Variants in SH3PXD2B observed in about 807,000 individuals in gnomAD.
SH3PXD2B encodes the protein SH3 and PX domains 2B, also known as SH3 and PX domain-containing protein 2B.
A neutral mutation model predicts 73.1 loss-of-function variants in SH3PXD2B; 37 were observed. The observed-to-expected ratio is 0.51, with a 90% confidence interval of 0.39 to 0.67. SH3PXD2B has a LOEUF of 0.67. Among genes scored for constraint, SH3PXD2B ranks in the 30% least tolerant of loss-of-function variants. SH3PXD2B has a pLI of 0.00. For synonymous variants in SH3PXD2B, 457 were observed against 480.5 expected, an observed-to-expected ratio of 0.95 and a Z score of 0.64; for missense variants, 1,053 against 1,197.8, an observed-to-expected ratio of 0.88 and a Z score of 1.78.
chr5:172,403,773 A>G (rs2113423710), intron 3 of SH3PXD2B, among the ~76,000 whole-genome samples: 1 of 152,378 alleles, frequency 6.6e-6, no homozygotes, highest in Non-Finnish European at 1.5e-5. Context: ...TTGAATATCC[A>G]GAATGGTCAT....
intron 10 of SH3PXD2B, among the ~76,000 whole-genome samples, chr5:172,348,811 A>G (rs527343636): frequency 1.3e-5 from 2 of 152,004 alleles, no homozygotes; most frequent in Admixed American, 6.6e-5. Context: ...GGTTCAAGTG[A>G]TCCTCCCGCC....
At chr5:172,390,839 G>C (rs1468463961) in intron 4 of SH3PXD2B, among the ~76,000 whole-genome samples, 1 of 151,516 alleles carries the variant, frequency 6.6e-6, no homozygotes, top group Non-Finnish European at 1.5e-5. Flanking sequence ...GTGTGTGTGT[G>C]TGTGTGTGTG....
In SH3PXD2B at chr5:172,421,646, G is replaced by A. The variant is rs570772775; in HGVS notation, c.156+770C>T. 3.3e-4 allele frequency among the ~76,000 whole-genome samples: 51 copies of A among 152,304 alleles called. No homozygotes were observed. Among genetic ancestry groups the A allele is most frequent in the Middle Eastern group, 6.8e-3 (2 of 294 alleles). ...TTCCTAGGGGATGAGAGTCCTGAAG[G>A]GCAGAAGGGGTTACTGGAGCCATGA... On this transcript the variant is annotated intron_variant, in intron 2 of 12. Coordinates refer to ENST00000311601, the MANE Select transcript of SH3PXD2B (RefSeq NM_001017995.3). The surrounding 1 kb of genome is among the most constrained non-coding windows in gnomAD (Gnocchi z 4.0).
chr5:172,327,317 G>A (rs549673249), intron 12 of SH3PXD2B, among the ~76,000 whole-genome samples: 3 of 152,244 alleles, frequency 2.0e-5, no homozygotes, highest in Admixed American at 6.5e-5. Flanking sequence ...TTATAAATGA[G>A]GACATCGTTT....
intron 1 of SH3PXD2B, among the ~76,000 whole-genome samples, chr5:172,443,872 G>C (rs927556293): frequency 2.6e-5 from 4 of 152,232 alleles, no homozygotes; most frequent in African/African-American, 9.6e-5. Context: ...GACGGAGGTC[G>C]GGGCTGGGAA....
intron 5 of SH3PXD2B, among the ~76,000 whole-genome samples, chr5:172,381,311 C>A (rs542225387): frequency 2.6e-5 from 4 of 152,310 alleles, no homozygotes; most frequent in African/African-American, 9.6e-5. Flanking sequence ...GCTCCTGTGA[C>A]CCCAGGACAC....
chr5:172,338,677 TGG>T lies in SH3PXD2B; in HGVS notation c.2426_2427del (p.Ser809Ter). 6.2e-7 allele frequency: 1 copy of T among 1,614,118 alleles called. No homozygotes were observed. Among genetic ancestry groups the T allele is most frequent in the Non-Finnish European group, 8.5e-7 (1 of 1,180,028 alleles). On this transcript the variant is annotated frameshift_variant, in exon 13 of 13. Coordinates refer to ENST00000311601, the MANE Select transcript of SH3PXD2B (RefSeq NM_001017995.3). LOFTEE classifies it high-confidence loss of function. The surrounding 1 kb of genome is among the most constrained non-coding windows in gnomAD (Gnocchi z 5.1). ...GTGTCATCCTGGCCCCCCAAAGAGT[TGG>T]AGAGAAAAGGTTTGGCTTTTGGAGG... ...LVPPKAKPFL[S>X]NSLGGQDDTR...
rs1384834599 is a variant in SH3PXD2B, at chr5:172,337,534, GA to G, written c.*834del. ...GGGTGCTCACAAGGGCACGACTTGT[GA>G]ATGGGCCTCTTATTCAAACAAACTT... On this transcript the variant is annotated 3_prime_UTR_variant, in exon 13 of 13. Coordinates refer to ENST00000311601, the MANE Select transcript of SH3PXD2B (RefSeq NM_001017995.3). 3 of 985,468 alleles carry G rather than the reference GA, an allele frequency of 3.0e-6. No individual in the cohort carries two copies. The highest frequency in any genetic ancestry group is 3.6e-6 in the Non-Finnish European group (3 of 830,040). The allele number at this position is 985,468 out of a possible 1,614,324, so 61.0% of individuals were successfully genotyped here. A position where few individuals can be genotyped will look rare whatever the true frequency, so the allele number is the denominator to read the frequency against.
intron 3 of SH3PXD2B, among the ~76,000 whole-genome samples, chr5:172,394,960 G>A (rs1336464639): frequency 6.6e-6 from 1 of 152,178 alleles, no homozygotes; most frequent in African/African-American, 2.4e-5. Flanking sequence ...TTGGACCCGA[G>A]CATGTGAGGT....
intron 1 of SH3PXD2B, among the ~76,000 whole-genome samples, chr5:172,435,149 A>G (rs1440760707): frequency 6.6e-6 from 1 of 152,220 alleles, no homozygotes; most frequent in African/African-American, 2.4e-5. Flanking sequence ...GGAAGAACTT[A>G]ACACATTGAT....
intron 1 of SH3PXD2B, among the ~76,000 whole-genome samples, chr5:172,452,284 G>C (rs1208603985): frequency 1.1e-4 from 17 of 152,170 alleles, no homozygotes; most frequent in Non-Finnish European, 2.5e-4. Context: ...CCCAAAAAGT[G>C]GCTGAAAGCT....
chr5:172,416,431 G>C (rs1346779636), intron 2 of SH3PXD2B, among the ~76,000 whole-genome samples: 2 of 151,384 alleles, frequency 1.3e-5, no homozygotes, highest in East Asian at 3.9e-4. Flanking sequence ...GGGTTCAAAT[G>C]ATTCTCCTGC....
intron 1 of SH3PXD2B, among the ~76,000 whole-genome samples, chr5:172,428,349 C>T (rs775896532): frequency 3.3e-5 from 5 of 152,194 alleles, no homozygotes; most frequent in African/African-American, 9.7e-5. Context: ...CTGCCACTAA[C>T]GAGGCAAAGT....
At chr5:172,352,478 T>C (rs1757177284) in intron 9 of SH3PXD2B, among the ~76,000 whole-genome samples, 1 of 152,146 alleles carries the variant, frequency 6.6e-6, no homozygotes, top group African/African-American at 2.4e-5. Context: ...CCTCCTGCCT[T>C]ACCTCCTCAA....
chr5:172,397,277 C>T (rs370127286), intron 3 of SH3PXD2B, among the ~76,000 whole-genome samples: 157 of 152,262 alleles, frequency 1.0e-3, no homozygotes, highest in African/African-American at 3.4e-3. Context: ...TTGGTCAGAC[C>T]GTTGTCTGCT....
At chr5:172,404,784 T>G (rs1758514882) in intron 3 of SH3PXD2B, among the ~76,000 whole-genome samples, 1 of 152,132 alleles carries the variant, frequency 6.6e-6, no homozygotes, top group Non-Finnish European at 1.5e-5. Flanking sequence ...AATTTGCAAA[T>G]GAAGTCATCT....
intron 1 of SH3PXD2B, among the ~76,000 whole-genome samples, chr5:172,432,711 G>A (rs999494888): frequency 6.6e-6 from 1 of 152,154 alleles, no homozygotes; most frequent in South Asian, 2.1e-4. Flanking sequence ...GAGGTTAGGA[G>A]TTCAAGACCA....
chr5:172,358,586 C>T (rs1052183608), intron 8 of SH3PXD2B, among the ~76,000 whole-genome samples, 187 bp downstream of exon 8: 23 of 152,186 alleles, frequency 1.5e-4, no homozygotes, highest in South Asian at 2.1e-4. Flanking sequence ...TAAGAGAGGG[C>T]GGGCTTGCCC....
intron 2 of SH3PXD2B, among the ~76,000 whole-genome samples, chr5:172,414,931 AG>A (rs1758786706): frequency 6.6e-6 from 1 of 152,166 alleles, no homozygotes; most frequent in African/African-American, 2.4e-5. Context: ...CATTCGGTGG[AG>A]GGGCCACTCC....
Sources: gnomAD v4.1 joint callset for allele counts (sites outside exome capture counted in the v4.1 genomes callset) on GRCh38, gnomAD v4.1.1 for gene constraint, Gnocchi (gnomAD v3.1) non-coding constraint, MANE v1.5 for transcripts, NCBI Gene and HGNC (gene_info 2026-07-23, HGNC 2026-07-21) for gene names.